The following NGLY1 variants were observed in gnomAD, a reference collection of about 807,000 sequenced individuals.
NGLY1 encodes the protein N-glycanase 1, also known as peptide-N(4)-(N-acetyl-beta-glucosaminyl)asparagine amidase.
In NGLY1, 68 loss-of-function variants were observed where a neutral mutation model predicts 84.6. The observed-to-expected ratio is 0.80, with a 90% CI of 0.66 to 0.98. The LOEUF (loss-of-function observed/expected upper bound fraction) is 0.98, where lower values mean the gene tolerates loss of function less well. NGLY1 is among the 50% of genes least tolerant of loss of function. The pLI, the probability that NGLY1 is intolerant of heterozygous loss-of-function variation, is 0.00. For missense variants in NGLY1, 779 were observed against 770.2 expected (o/e 1.01, Z -0.14); for synonymous variants, 280 against 275.2 (o/e 1.02, Z -0.17).
rs375966958 is a variant in NGLY1 at position 25,732,381 on chromosome 3, G to A, written c.1363C>T (p.Leu455Phe). 2.0e-5 allele frequency: 33 copies of A among 1,613,646 alleles called. No individual in the cohort carries two copies. In the African/African-American group the frequency reaches 4.1e-4, roughly 20 times the overall value. Residue 455 changes from leucine (L) to phenylalanine (F), a missense_variant, in exon 9 of 12, where the codon CTT becomes TTT. By Grantham distance (22) the Leu-to-Phe change is conservative. Transcript: ENST00000280700. ...ISPKTPKPGE[L>F]GGRISGSVAW... ...ACTGACCCAGATATTCTTCCCCCAA[G>A]TTCTCCAGGTTTAGGGGTTTTGGGA...
At chr3:25,777,321 G>A (rs1384418158) in intron 2 of NGLY1, among the ~76,000 whole-genome samples, 1 of 148,924 alleles carries the variant, frequency 6.7e-6, no homozygotes, top group Non-Finnish European at 1.5e-5. Flanking sequence ...CTTGAATCCA[G>A]GAGGCGAAGG....
intron 5 of NGLY1, 129 bp from the exon 6 acceptor site, chr3:25,737,584 C>T: frequency 4.5e-6 from 4 of 891,650 alleles, no homozygotes; most frequent in Non-Finnish European, 6.3e-6. Flanking sequence ...GCTCTGTCAC[C>T]CAGGCTGGAG....
chr3:25,771,517 G>A (rs149903867), intron 2 of NGLY1, among the ~76,000 whole-genome samples: 4 of 152,122 alleles, frequency 2.6e-5, no homozygotes, highest in East Asian at 1.9e-4. Flanking sequence ...TTTTGGCTAC[G>A]TAGGCTGCTT....
chr3:25,757,857 T>C (rs1407892767), intron 3 of NGLY1, among the ~76,000 whole-genome samples: 2 of 152,196 alleles, frequency 1.3e-5, no homozygotes, highest in East Asian at 3.8e-4. Flanking sequence ...CCTCACAGAC[T>C]GGAGAAGCTA....
intron 3 of NGLY1, among the ~76,000 whole-genome samples, chr3:25,753,458 A>T (rs1027351362): frequency 6.6e-6 from 1 of 152,156 alleles, no homozygotes; most frequent in Non-Finnish European, 1.5e-5. Flanking sequence ...AAATAAATAC[A>T]TACTTGGGAG....
rs1366745749 is a variant in NGLY1 at position 25,783,424 on chromosome 3, C to A, written c.-34G>T. On this transcript the variant is annotated 5_prime_UTR_variant, in exon 1 of 12. Coordinates refer to ENST00000280700, the MANE Select transcript of NGLY1 (RefSeq NM_018297.4). The surrounding 1 kb of genome is among the most constrained non-coding windows in gnomAD (Gnocchi z 4.5). ...GCCAGCGGGCGCCGCCGCCGCCCCT[C>A]GCTCTCCGCGTCCCACACTGAGCAG... 5 of 1,515,710 alleles carry A rather than the reference C, an allele frequency of 3.3e-6. No homozygotes were observed. Among genetic ancestry groups the A allele is most frequent in the Middle Eastern group, 2.4e-4 (1 of 4,244 alleles). 93.9% of individuals were successfully genotyped at this position (1,515,710 alleles called of 1,614,324 possible).
intron 4 of NGLY1, among the ~76,000 whole-genome samples, chr3:25,740,739 GA>G (rs1462032575): frequency 6.6e-6 from 1 of 151,876 alleles, no homozygotes; most frequent in East Asian, 1.9e-4. Flanking sequence ...TTCCTGGAGG[GA>G]AAACTCAATA....
At chr3:25,789,963 C>T in exon 1 of NGLY1, 1 of 1,439,938 alleles carries the variant, frequency 6.9e-7, no homozygotes, top group African/African-American at 1.4e-5. Context: ...CTCCCACGGT[C>T]TGACCTCAGC....
At chr3:25,772,921 A>G (rs1707967846) in intron 2 of NGLY1, among the ~76,000 whole-genome samples, 1 of 152,170 alleles carries the variant, frequency 6.6e-6, no homozygotes, top group East Asian at 1.9e-4. Context: ...TTCTTAGCTG[A>G]TAATTATTTT....
At chr3:25,788,628 CTT>C (rs1708653967) in intron 1 of NGLY1, among the ~76,000 whole-genome samples, 1 of 152,198 alleles carries the variant, frequency 6.6e-6, no homozygotes, top group Admixed American at 6.5e-5. Context: ...CTGTATGTTT[CTT>C]ATGAGTTCAG....
intron 3 of NGLY1, among the ~76,000 whole-genome samples, chr3:25,759,805 T>A (rs1231506120): frequency 6.6e-6 from 1 of 152,112 alleles, no homozygotes; most frequent in African/African-American, 2.4e-5. Flanking sequence ...ATTTCTGATA[T>A]GAGATATATT....
At chr3:25,736,408 A>G in intron 6 of NGLY1, 1 of 1,538,832 alleles carries the variant, frequency 6.5e-7, no homozygotes, top group Non-Finnish European at 8.8e-7. Context: ...ACTCTTAAGA[A>G]GGTAGACATA....
intron 9 of NGLY1, 61 bp from the exon 10 acceptor site, chr3:25,729,379 G>T (rs1256633976): frequency 8.4e-6 from 9 of 1,077,834 alleles, no homozygotes; most frequent in Non-Finnish European, 1.1e-5. Flanking sequence ...AGAAAAAAGA[G>T]AAATTACTAA....
chr3:25,733,016 G>A (rs1226254493), intron 8 of NGLY1, among the ~76,000 whole-genome samples: 2 of 152,206 alleles, frequency 1.3e-5, no homozygotes, highest in Admixed American at 6.5e-5. Context: ...AGGCTGAGAA[G>A]CCAAGGACAA....
chr3:25,776,659 G>A (rs1002001801), intron 2 of NGLY1, among the ~76,000 whole-genome samples: 3 of 152,072 alleles, frequency 2.0e-5, no homozygotes, highest in African/African-American at 7.2e-5. Flanking sequence ...TACTCTCCAA[G>A]GCTTCTCTAT....
At chr3:25,755,037 A>T (rs1484734571) in intron 3 of NGLY1, 10 of 1,092,318 alleles carry the variant, frequency 9.2e-6, no homozygotes, top group Non-Finnish European at 1.1e-5. Flanking sequence ...GTTATAAATC[A>T]AATTTTGGAA....
intron 3 of NGLY1, chr3:25,755,411 C>T: frequency 6.9e-7 from 1 of 1,443,026 alleles, no homozygotes. Context: ...AGTGACCCCA[C>T]AAACAGTGTC....
intron 2 of NGLY1, among the ~76,000 whole-genome samples, chr3:25,777,041 C>T (rs957768945): frequency 6.6e-6 from 1 of 152,172 alleles, no homozygotes; most frequent in African/African-American, 2.4e-5. Context: ...CCCATCCCAC[C>T]ACCTCCAGGA....
At chr3:25,776,373 G>C (rs1244609866) in intron 2 of NGLY1, among the ~76,000 whole-genome samples, 1 of 152,202 alleles carries the variant, frequency 6.6e-6, no homozygotes, top group Admixed American at 6.5e-5. Context: ...GAAATGGGTA[G>C]AGTCTTCCGT....
Sources: gnomAD v4.1 joint callset for allele counts (sites outside exome capture counted in the v4.1 genomes callset) on GRCh38, gnomAD v4.1.1 for gene constraint, Gnocchi (gnomAD v3.1) non-coding constraint, MANE v1.5 for transcripts, NCBI Gene and HGNC (gene_info 2026-07-23, HGNC 2026-07-21) for gene names.